PTPRD: variants seen among roughly 807,000 people sequenced by gnomAD.
PTPRD encodes the protein receptor-type tyrosine-protein phosphatase delta.
Under a neutral mutation model 214.5 loss-of-function variants are expected in PTPRD, and 34 were observed. That is an observed-to-expected ratio of 0.16 (90% CI 0.12 to 0.21). The LOEUF (loss-of-function observed/expected upper bound fraction) is 0.21, where lower values mean the gene tolerates loss of function less well. Ranked by LOEUF, PTPRD falls within the 10% of genes least tolerant of loss-of-function variation. The pLI is 1.00. For missense variants in PTPRD, 2,545 were observed against 2,398.7 expected, an observed-to-expected ratio of 1.06 and a Z score of -1.27; for synonymous variants, 1,128 against 845.7, an observed-to-expected ratio of 1.33 and a Z score of -5.79.
chr9:8,807,024 T>C (rs1320966078), intron 11 of PTPRD, among the ~76,000 whole-genome samples: 2 of 152,122 alleles, frequency 1.3e-5, no homozygotes, highest in Non-Finnish European at 2.9e-5. Context: ...GTTAAGAGAA[T>C]AGCTGCTGAT....
chr9:10,095,017 G>C (rs973676554), intron 3 of PTPRD, among the ~76,000 whole-genome samples: 1 of 151,162 alleles, frequency 6.6e-6, no homozygotes, highest in Non-Finnish European at 1.5e-5. Context: ...TCTAAGCGGG[G>C]TATTACAACC....
chr9:8,967,638 A>C (rs556718296), intron 11 of PTPRD, among the ~76,000 whole-genome samples: 1 of 152,270 alleles, frequency 6.6e-6, no homozygotes, highest in Non-Finnish European at 1.5e-5. Flanking sequence ...TGAGTCACTT[A>C]GTATATGGTA....
chr9:9,203,792 A>G (rs1432615039), intron 9 of PTPRD, among the ~76,000 whole-genome samples: 1 of 152,220 alleles, frequency 6.6e-6, no homozygotes, highest in Non-Finnish European at 1.5e-5. Flanking sequence ...CATGCTTTAT[A>G]GCAAAGAAAA....
At chr9:9,348,264 CT>C (rs1166977397) in intron 9 of PTPRD, among the ~76,000 whole-genome samples, 1 of 151,952 alleles carries the variant, frequency 6.6e-6, no homozygotes, top group Non-Finnish European at 1.5e-5. Flanking sequence ...TTAAAAAATC[CT>C]TTGGTTAGAT....
At chr9:8,994,419 C>T (rs910473665) in intron 11 of PTPRD, among the ~76,000 whole-genome samples, 7 of 152,068 alleles carry the variant, frequency 4.6e-5, no homozygotes, top group African/African-American at 1.4e-4. Context: ...AAACAGGTTT[C>T]TTTTATTTGG....
intron 7 of PTPRD, among the ~76,000 whole-genome samples, chr9:9,667,959 C>T (rs569628258): frequency 2.0e-5 from 3 of 152,070 alleles, no homozygotes; most frequent in Admixed American, 1.3e-4. Flanking sequence ...TTATGAGCTG[C>T]AAAGATTATT....
intron 10 of PTPRD, among the ~76,000 whole-genome samples, chr9:9,067,174 G>C (rs950943371): frequency 6.6e-6 from 1 of 152,182 alleles, no homozygotes; most frequent in Middle Eastern, 3.2e-3. Flanking sequence ...AGGTTACAGT[G>C]AGCCTAGATA....
At chr9:8,847,006 GGGGGC>G (rs1304855259) in intron 11 of PTPRD, among the ~76,000 whole-genome samples, 1 of 152,100 alleles carries the variant, frequency 6.6e-6, no homozygotes, top group East Asian at 1.9e-4. Flanking sequence ...ATGAGAAGAT[GGGGGC>G]CTTTCAACAG....
At chr9:8,399,653 CTCTAGTTCTAAGATTTCTA>C (rs1436615630) in intron 36 of PTPRD, among the ~76,000 whole-genome samples, 7 of 152,098 alleles carry the variant, frequency 4.6e-5, no homozygotes, top group Non-Finnish European at 1.0e-4. Context: ...AACTGAAGAT[CTCTAGTTCTAAGATTTCTA>C]TCCTAAGTGT....
At chr9:8,884,316 G>C (rs577013937) in intron 11 of PTPRD, among the ~76,000 whole-genome samples, 2 of 152,328 alleles carry the variant, frequency 1.3e-5, no homozygotes, top group South Asian at 4.1e-4. Flanking sequence ...ATGCTCGATT[G>C]CCTGTTGCTG....
rs2098617006 is a variant in PTPRD, at chr9:8,728,703, G to A, written c.64+5077C>T. On this transcript the variant is annotated intron_variant, in intron 12 of 45. Coordinates refer to ENST00000381196, the MANE Select transcript of PTPRD (RefSeq NM_002839.4). ...TTCCTTTAAAAAAATGTTTTTGGCT[G>A]GCACGGCGGCTCACACCTGTAATAC... Among the ~76,000 whole-genome samples the A allele has an allele frequency of 1.3e-5, 2 of 152,170 alleles. 1 individual carries two copies. Among genetic ancestry groups the A allele is most frequent in the South Asian group, 4.1e-4 (2 of 4,828 alleles).
intron 9 of PTPRD, among the ~76,000 whole-genome samples, chr9:9,242,863 C>G (rs1228294426): frequency 6.6e-6 from 1 of 152,166 alleles, no homozygotes; most frequent in Admixed American, 6.6e-5. Flanking sequence ...CTCTGTCCAG[C>G]TATGTTCCAT....
intron 3 of PTPRD, among the ~76,000 whole-genome samples, chr9:10,240,075 G>A (rs1435397309): frequency 1.3e-5 from 2 of 151,914 alleles, no homozygotes; most frequent in African/African-American, 2.4e-5. Flanking sequence ...GACAGGCCTT[G>A]CTGAGTTGTC....
At chr9:10,570,258 T>C (rs946376097) in intron 2 of PTPRD, among the ~76,000 whole-genome samples, 1 of 152,114 alleles carries the variant, frequency 6.6e-6, no homozygotes, top group Non-Finnish European at 1.5e-5. Flanking sequence ...TGTTTGACCA[T>C]TCAAGTAATA....
At chr9:10,586,074 C>A (rs1242430840) in intron 2 of PTPRD, among the ~76,000 whole-genome samples, 1 of 151,868 alleles carries the variant, frequency 6.6e-6, no homozygotes, top group Non-Finnish European at 1.5e-5. Flanking sequence ...ATGTTCTTTT[C>A]AAAACACAGT....
chr9:8,973,106 T>C (rs187525480), intron 11 of PTPRD, among the ~76,000 whole-genome samples: 19 of 152,072 alleles, frequency 1.2e-4, no homozygotes, highest in Admixed American at 1.0e-3. Context: ...AATATTCAGC[T>C]TTGATTTTAG....
intron 3 of PTPRD, among the ~76,000 whole-genome samples, chr9:10,213,917 G>C (rs1351255382): frequency 6.6e-6 from 1 of 151,954 alleles, no homozygotes; most frequent in Non-Finnish European, 1.5e-5. Context: ...TGTCTTGATG[G>C]TTAAGATTTA....
At chr9:9,408,252 A>T (rs1422652976) in intron 8 of PTPRD, among the ~76,000 whole-genome samples, 1 of 151,846 alleles carries the variant, frequency 6.6e-6, no homozygotes, top group Non-Finnish European at 1.5e-5. Context: ...ATTGGGTATC[A>T]CTTCTTAAAC....
intron 2 of PTPRD, among the ~76,000 whole-genome samples, chr9:10,351,756 AT>A (rs1343171577): frequency 6.6e-6 from 1 of 151,364 alleles, no homozygotes; most frequent in Non-Finnish European, 1.5e-5. Context: ...CTGTTTCTTA[AT>A]TTCCTAAGCT....
Sources: allele counts gnomAD v4.1 joint callset (sites outside exome capture counted in the v4.1 genomes callset), GRCh38; gene constraint gnomAD v4.1.1; transcripts MANE v1.5; gene names NCBI Gene and HGNC (gene_info 2026-07-23, HGNC 2026-07-21).